Variants in DNER observed in about 807,000 individuals in gnomAD.
DNER encodes the protein delta and Notch-like epidermal growth factor-related receptor.
A neutral mutation model predicts 78.2 loss-of-function variants in DNER; 33 were observed. That is an observed-to-expected ratio of 0.42 (90% CI 0.32 to 0.56). The LOEUF (loss-of-function observed/expected upper bound fraction) is 0.56, where lower values mean the gene tolerates loss of function less well. Among genes scored for constraint, DNER ranks in the 20% least tolerant of loss-of-function variants. The pLI is 0.11. For missense variants in DNER, 918 were observed against 975.3 expected, an observed-to-expected ratio of 0.94 and a Z score of 0.78; for synonymous variants, 417 against 384.8, an observed-to-expected ratio of 1.08 and a Z score of -0.98.
chr2:229,604,399 C>A (rs1421066676), intron 1 of DNER, among the ~76,000 whole-genome samples: 1 of 152,098 alleles, frequency 6.6e-6, no homozygotes, highest in African/African-American at 2.4e-5. Context: ...CTAAATCATT[C>A]TTTATTCAGA....
intron 1 of DNER, among the ~76,000 whole-genome samples, chr2:229,598,445 A>G (rs1290615059): frequency 6.6e-6 from 1 of 152,218 alleles, no homozygotes; most frequent in Non-Finnish European, 1.5e-5. Flanking sequence ...CAGAGACGTT[A>G]ACTTGGACTT....
chr2:229,403,207 AAG>A (rs1481340780), intron 10 of DNER, among the ~76,000 whole-genome samples: 1 of 152,218 alleles, frequency 6.6e-6, no homozygotes, highest in Non-Finnish European at 1.5e-5. Context: ...GGTACAATGA[AAG>A]AGTATTTGAT....
At chr2:229,693,851 C>T (rs1453944962) in intron 1 of DNER, among the ~76,000 whole-genome samples, 1 of 152,212 alleles carries the variant, frequency 6.6e-6, no homozygotes, top group African/African-American at 2.4e-5. Context: ...ACATTCAAGC[C>T]TGCTGCAGAA....
chr2:229,402,210 A>T (rs1475062781), intron 10 of DNER, among the ~76,000 whole-genome samples: 1 of 152,160 alleles, frequency 6.6e-6, no homozygotes, highest in Non-Finnish European at 1.5e-5. Context: ...AGATACCATT[A>T]AAAAAATGCA....
At chr2:229,513,066 A>G in intron 5 of DNER, 130 bp from the exon 6 acceptor site, 4 of 1,033,690 alleles carry the variant, frequency 3.9e-6, no homozygotes, top group Non-Finnish European at 5.5e-6. Flanking sequence ...CACTTATGTC[A>G]TAATCTAGTT....
chr2:229,632,010 C>T (rs1438009672), intron 1 of DNER, among the ~76,000 whole-genome samples: 1 of 152,198 alleles, frequency 6.6e-6, no homozygotes, highest in Non-Finnish European at 1.5e-5. Flanking sequence ...TTTTTCCTAA[C>T]CCAATAAACT....
chr2:229,483,987 A>G (rs1221096657), intron 6 of DNER, among the ~76,000 whole-genome samples: 2 of 152,124 alleles, frequency 1.3e-5, no homozygotes, highest in East Asian at 3.8e-4. Flanking sequence ...ATTACCTACA[A>G]TGATTTTCTT....
rs530333949 is a variant in DNER, at chr2:229,695,680, G to C, written c.276+18468C>G. Among the ~76,000 whole-genome samples, 207 of 152,312 alleles carry C rather than the reference G, an allele frequency of 1.4e-3. 1 individual carries two copies. Among genetic ancestry groups the C allele is most frequent in the African/African-American group, 4.5e-3 (188 of 41,570 alleles). On this transcript the variant is annotated intron_variant, in intron 1 of 12. Transcript: ENST00000341772. The stretch of plus-strand genomic sequence containing the variant: ...GTACTCAGAAATGACCAGTGGTAGA[G>C]TGAGTTCCCCAAATTGCATTGAAAA...
Position 229,674,675 on chromosome 2 carries a change from C to A in DNER, c.276+39473G>T, listed in dbSNP as rs75004474. ...CCTAGGGTCATCTCTTATCATGTCACCATTCATTCACTTATCCACAAATAA... is the reference window on the plus strand; with the variant it reads ...CCTAGGGTCATCTCTTATCATGTCAACATTCATTCACTTATCCACAAATAA... On this transcript the variant is annotated intron_variant, in intron 1 of 12. Coordinates refer to ENST00000341772, the MANE Select transcript of DNER (RefSeq NM_139072.4). Among the ~76,000 whole-genome samples the A allele has an allele frequency of 5.9e-5, 9 of 152,294 alleles. No homozygotes were observed. In the East Asian group the frequency reaches 1.7e-3, roughly 29 times the overall value.
chr2:229,616,907 G>A (rs560182790), intron 1 of DNER, among the ~76,000 whole-genome samples: 1 of 152,196 alleles, frequency 6.6e-6, no homozygotes. Flanking sequence ...ATGCAGATGG[G>A]AGGGTCTGCT....
chr2:229,538,542 TG>T (rs1696455061), intron 5 of DNER, among the ~76,000 whole-genome samples: 1 of 151,578 alleles, frequency 6.6e-6, no homozygotes, highest in African/African-American at 2.4e-5. Context: ...TTTTGTTTTT[TG>T]TTTTTTTTTA....
chr2:229,586,572 G>A lies in DNER; in HGVS notation c.681-548C>T, dbSNP rs1285262843. 9 of 306,690 alleles carry A rather than the reference G, an allele frequency of 2.9e-5. No individual in the cohort carries two copies. The East Asian group carries it at 6.3e-4, about 22-fold the overall frequency. 19.0% of individuals were successfully genotyped at this position (306,690 alleles called of 1,614,324 possible). A position where few individuals can be genotyped will look rare whatever the true frequency, so the allele number is the denominator to read the frequency against. On this transcript the variant is annotated intron_variant, in intron 3 of 12. Transcript: ENST00000341772. ...AAAACACACAAAACCACCCCACAGAGAATAGGATGTCACAGAAAGCCCATC... is the reference window on the plus strand; with the variant it reads ...AAAACACACAAAACCACCCCACAGAAAATAGGATGTCACAGAAAGCCCATC...
intron 4 of DNER, among the ~76,000 whole-genome samples, chr2:229,555,476 T>G (rs116364514): frequency 1.3e-5 from 2 of 152,296 alleles, no homozygotes; most frequent in African/African-American, 4.8e-5. Context: ...ACCTTATTCA[T>G]AAGCCTCTCC....
At chr2:229,389,048 A>G (rs1692961406) in intron 10 of DNER, among the ~76,000 whole-genome samples, 1 of 151,956 alleles carries the variant, frequency 6.6e-6, no homozygotes, top group South Asian at 2.1e-4. Context: ...AATGCTCAGG[A>G]AGAGCATCAG....
chr2:229,466,222 T>A (rs1297463341), intron 7 of DNER, among the ~76,000 whole-genome samples: 5 of 152,150 alleles, frequency 3.3e-5, no homozygotes, highest in African/African-American at 9.7e-5. Flanking sequence ...AAGGTCTACC[T>A]GAGCCGACTC....
intron 1 of DNER, among the ~76,000 whole-genome samples, chr2:229,674,456 T>C (rs750291016): frequency 6.6e-6 from 1 of 152,160 alleles, no homozygotes; most frequent in Non-Finnish European, 1.5e-5. Context: ...TTTTTGTATT[T>C]TTACTAGAGA....
At chr2:229,405,024 A>G (rs1693350907) in intron 10 of DNER, among the ~76,000 whole-genome samples, 2 of 152,348 alleles carry the variant, frequency 1.3e-5, no homozygotes, top group South Asian at 2.1e-4. Context: ...TATGGCAGAT[A>G]AACTGTTATA....
chr2:229,423,498 C>T (rs1693808472), intron 8 of DNER, among the ~76,000 whole-genome samples: 1 of 151,586 alleles, frequency 6.6e-6, no homozygotes, highest in Non-Finnish European at 1.5e-5. Context: ...GCCTGTAATC[C>T]CAGCTACTTG....
chr2:229,508,948 T>C (rs2154212201), intron 6 of DNER, among the ~76,000 whole-genome samples: 1 of 152,022 alleles, frequency 6.6e-6, no homozygotes, highest in African/African-American at 2.4e-5. Context: ...ACTGATCAAC[T>C]CAAGATTCAG....
Sources: gnomAD v4.1 joint callset for allele counts (sites outside exome capture counted in the v4.1 genomes callset) on GRCh38, gnomAD v4.1.1 for gene constraint, MANE v1.5 for transcripts, NCBI Gene and HGNC (gene_info 2026-07-23, HGNC 2026-07-21) for gene names.